TALDO1: variants seen among roughly 807,000 people sequenced by gnomAD.
The protein encoded by TALDO1 is transaldolase.
Under a neutral mutation model 38.1 loss-of-function variants are expected in TALDO1, and 29 were observed. The ratio of observed to expected loss-of-function variants is 0.76; its 90% CI spans 0.57 to 1.04. The LOEUF is 1.04. TALDO1 is among the 50% of genes least tolerant of loss of function. The pLI is 0.00. For missense variants in TALDO1, 499 were observed against 438.1 expected, an observed-to-expected ratio of 1.14 and a Z score of -1.24; for synonymous variants, 207 against 176.8, an observed-to-expected ratio of 1.17 and a Z score of -1.36.
intron 3 of TALDO1, 96 bp downstream of exon 3, chr11:759,153 G>C (rs1213550655): frequency 9.4e-7 from 1 of 1,067,612 alleles, no homozygotes; most frequent in Non-Finnish European, 1.4e-6. Flanking sequence ...CTCCACCCAT[G>C]GTCTTCATCC....
intron 5 of TALDO1, 76 bp from the exon 6 acceptor site, chr11:763,671 C>T: frequency 6.3e-7 from 1 of 1,579,244 alleles, no homozygotes. Context: ...GGTAGTGCAG[C>T]CGGCAGGCAC....
Position 764,954 on chromosome 11 carries a change from T to A in TALDO1, c.*109T>A. 6.8e-7 allele frequency: 1 copy of A among 1,469,950 alleles called. No individual in the cohort carries two copies. Among genetic ancestry groups the A allele is most frequent in the East Asian group, 2.3e-5 (1 of 44,048 alleles). The allele number at this position is 1,469,950 out of a possible 1,614,324, so 91.1% of individuals were successfully genotyped here. ...TTTTACAAATTGGAGCAGGGACAGA[T>A]CATAGATTTCTGATTTTATGTAAAA... On this transcript the variant is annotated 3_prime_UTR_variant, in exon 8 of 8. Coordinates refer to ENST00000319006, the MANE Select transcript of TALDO1 (RefSeq NM_006755.2).
chr11:761,974 TTTTTTG>T (rs1356273456), intron 4 of TALDO1, among the ~76,000 whole-genome samples: 1 of 151,812 alleles, frequency 6.6e-6, no homozygotes, highest in Non-Finnish European at 1.5e-5. Flanking sequence ...TTTTTTGTTT[TTTTTTG>T]TTTTTGAGAC....
chr11:748,325 G>A (rs1357048882), intron 1 of TALDO1, among the ~76,000 whole-genome samples: 1 of 152,216 alleles, frequency 6.6e-6, no homozygotes, highest in Non-Finnish European at 1.5e-5. Context: ...GGTAAAAGCC[G>A]GTGCCCATGA....
At chr11:753,031 C>T (rs112301714) in intron 1 of TALDO1, among the ~76,000 whole-genome samples, 1,639 of 152,252 alleles carry the variant, frequency 0.011, 19 homozygotes, top group African/African-American at 0.028. Context: ...GAGAAACCCC[C>T]ACACATCGGT....
intron 1 of TALDO1, among the ~76,000 whole-genome samples, chr11:748,923 C>A (rs913470233): frequency 6.6e-6 from 1 of 152,196 alleles, no homozygotes; most frequent in Admixed American, 6.5e-5. Flanking sequence ...TTGCAGTTTG[C>A]CTGGTGGACA....
Position 755,734 on chromosome 11 carries a change from A to G in TALDO1, c.98-145A>G, listed in dbSNP as rs534457888. On this transcript the variant is annotated intron_variant, in intron 1 of 7. Transcript: ENST00000319006. ...TGATGAACCTTCAGTGACCCAGAAG[A>G]AGGTGTGAGAAGTGTGGCTGGACCC... 34 of 1,133,056 alleles carry G rather than the reference A, an allele frequency of 3.0e-5. No homozygotes were observed. The South Asian group carries it at 3.9e-4, about 13-fold the overall frequency. 70.2% of individuals were successfully genotyped at this position (1,133,056 alleles called of 1,614,324 possible). A position where few individuals can be genotyped will look rare whatever the true frequency, so the allele number is the denominator to read the frequency against.
intron 3 of TALDO1, among the ~76,000 whole-genome samples, chr11:759,512 G>A (rs1028866653): frequency 3.9e-5 from 6 of 151,946 alleles, no homozygotes; most frequent in South Asian, 4.2e-4. Flanking sequence ...CACCTGCCTC[G>A]GCCTCCCAAA....
chr11:758,819 A>G lies in TALDO1; in HGVS notation c.222-131A>G, dbSNP rs558728228. 12 of 626,330 alleles carry G rather than the reference A, an allele frequency of 1.9e-5. No homozygotes were observed. The African/African-American group carries it at 2.0e-4, about 11-fold the overall frequency. The allele number at this position is 626,330 out of a possible 1,614,324, so 38.8% of individuals were successfully genotyped here. A position where few individuals can be genotyped will look rare whatever the true frequency, so the allele number is the denominator to read the frequency against. Reference sequence around the variant, plus strand: ...ACGGGGTTTCACCGTGTTAGCCAGGATGGTCTTGATCTCCTGACCTCATGA... The same window carrying G: ...ACGGGGTTTCACCGTGTTAGCCAGGGTGGTCTTGATCTCCTGACCTCATGA... On this transcript the variant is annotated intron_variant, in intron 2 of 7. Coordinates refer to ENST00000319006, the MANE Select transcript of TALDO1 (RefSeq NM_006755.2).
intron 1 of TALDO1, among the ~76,000 whole-genome samples, chr11:749,997 G>C (rs1379676248): frequency 6.6e-6 from 1 of 152,146 alleles, no homozygotes; most frequent in Non-Finnish European, 1.5e-5. Flanking sequence ...TGTGACCATG[G>C]CATGGCATCC....
rs746038442 is a variant in TALDO1, at chr11:764,891, G to C, written c.*46G>C. 17 of 1,613,144 alleles carry C rather than the reference G, an allele frequency of 1.1e-5. No homozygotes were observed. The highest frequency in any genetic ancestry group is 1.4e-5 in the Non-Finnish European group (17 of 1,179,602). ...CCAGATCTGCACCGCCGGCCAGCTG[G>C]GATCTGACTGCACGTGGCTTCTGAT... On this transcript the variant is annotated 3_prime_UTR_variant, in exon 8 of 8. Coordinates refer to ENST00000319006, the MANE Select transcript of TALDO1 (RefSeq NM_006755.2).
chr11:762,568 C>A (rs1449521073), intron 4 of TALDO1, among the ~76,000 whole-genome samples: 4 of 152,226 alleles, frequency 2.6e-5, no homozygotes, highest in Non-Finnish European at 1.5e-5. Context: ...CAGGCTGTTT[C>A]CCAACTCAGC....
At chr11:762,540 T>A (rs1030719333) in intron 4 of TALDO1, among the ~76,000 whole-genome samples, 2 of 152,232 alleles carry the variant, frequency 1.3e-5, no homozygotes, top group Non-Finnish European at 2.9e-5. Context: ...AGTCTCTGGG[T>A]GACTGCTGGA....
chr11:752,829 C>T (rs528877349), intron 1 of TALDO1, among the ~76,000 whole-genome samples: 3 of 152,154 alleles, frequency 2.0e-5, no homozygotes, highest in Admixed American at 6.5e-5. Flanking sequence ...TTGACAACCC[C>T]AAGTTGAAGC....
chr11:759,149 C>A, intron 3 of TALDO1, 92 bp downstream of exon 3: 1 of 1,100,274 alleles, frequency 9.1e-7, no homozygotes, highest in East Asian at 2.5e-5. Flanking sequence ...GCTGCTCCAC[C>A]CATGGTCTTC....
In TALDO1 at chr11:759,004, A is replaced by G; in HGVS notation, c.276A>G (p.Gly92=). ...NAIDKLFVLF[G]AEILKKIPGR... ...TTGATAAACTTTTTGTGTTGTTTGG[A>G]GCAGAAATACTAAAGAAGATTCCGG... The change falls in exon 3 of 8, where the codon GGA becomes GGG. Residue 92 remains glycine (G), a synonymous_variant. Coordinates refer to ENST00000319006, the MANE Select transcript of TALDO1 (RefSeq NM_006755.2). 1 of 1,613,198 alleles carries G rather than the reference A, an allele frequency of 6.2e-7. No homozygotes were observed. The highest frequency in any genetic ancestry group is 2.2e-5 in the East Asian group (1 of 44,840).
intron 1 of TALDO1, among the ~76,000 whole-genome samples, chr11:753,085 G>C (rs997160836): frequency 6.6e-6 from 1 of 152,150 alleles, no homozygotes; most frequent in Non-Finnish European, 1.5e-5. Context: ...GAGAGCAGAG[G>C]AATGCAGTTC....
intron 1 of TALDO1, among the ~76,000 whole-genome samples, chr11:755,582 G>C (rs929548616): frequency 1.3e-5 from 2 of 152,102 alleles, no homozygotes; most frequent in African/African-American, 4.8e-5. Flanking sequence ...ATTTTCCTTT[G>C]ACCAGCGTTC....
chr11:764,801 G>A lies in TALDO1; in HGVS notation c.982-12G>A, dbSNP rs1449648340. The A allele has an allele frequency of 6.2e-7, 1 of 1,613,974 alleles. No individual in the cohort carries two copies. Among genetic ancestry groups the A allele is most frequent in the Admixed American group, 1.7e-5 (1 of 60,030 alleles). On this transcript the variant is annotated splice_polypyrimidine_tract_variant and intron_variant, in intron 7 of 7. Transcript: ENST00000319006. ...GGTGGGGAGACACAGCTCGTGCTCT[G>A]TTTGTTTCTAGGAACGAATGTTCAA...
Sources: allele counts gnomAD v4.1 joint callset (sites outside exome capture counted in the v4.1 genomes callset), GRCh38; gene constraint gnomAD v4.1.1; transcripts MANE v1.5; gene names NCBI Gene and HGNC (gene_info 2026-07-23, HGNC 2026-07-21).